GALNT18: variants seen among roughly 807,000 people sequenced by gnomAD.
GALNT18 encodes the protein polypeptide N-acetylgalactosaminyltransferase 18.
In GALNT18, 44 loss-of-function variants were observed where a neutral mutation model predicts 69.5. The ratio of observed to expected loss-of-function variants is 0.63; its 90% CI spans 0.50 to 0.81. The LOEUF is 0.81. GALNT18 is among the 40% of genes least tolerant of loss of function. The pLI is 0.00. For synonymous variants in GALNT18, 364 were observed against 318.2 expected (o/e 1.14, Z -1.53); for missense variants, 715 against 810.0 (o/e 0.88, Z 1.42).
intron 5 of GALNT18, among the ~76,000 whole-genome samples, chr11:11,374,707 C>T (rs1236179185): frequency 1.3e-5 from 2 of 152,250 alleles, no homozygotes; most frequent in Admixed American, 6.5e-5. Flanking sequence ...TATCGATTTA[C>T]ACCTTGCCTC....
intron 9 of GALNT18, among the ~76,000 whole-genome samples, chr11:11,306,230 T>C (rs1448371031): frequency 1.1e-5 from 1 of 89,234 alleles, no homozygotes; most frequent in Admixed American, 1.2e-4. Flanking sequence ...TGCATGTGTG[T>C]GTGTATGTGT....
chr11:11,531,904 T>C (rs1270616153), intron 1 of GALNT18, among the ~76,000 whole-genome samples: 1 of 152,216 alleles, frequency 6.6e-6, no homozygotes, highest in Non-Finnish European at 1.5e-5. Flanking sequence ...GATGTGTATG[T>C]GTTTTATGTA....
At chr11:11,612,177 G>T (rs1360432470) in intron 1 of GALNT18, among the ~76,000 whole-genome samples, 1 of 151,962 alleles carries the variant, frequency 6.6e-6, no homozygotes, top group Admixed American at 6.6e-5. Context: ...CTCTAAAAAG[G>T]TAAGAAAAAA....
intron 1 of GALNT18, among the ~76,000 whole-genome samples, chr11:11,528,904 A>C (rs1042064171): frequency 6.6e-6 from 1 of 152,240 alleles, no homozygotes; most frequent in Non-Finnish European, 1.5e-5. Flanking sequence ...CAGGGAGTGG[A>C]GGAGTGAAAG....
rs1237681747 is a variant in GALNT18, at chr11:11,293,153, A to C, written c.1553T>G (p.Ile518Ser). The C allele has an allele frequency of 1.5e-6, 2 of 1,349,296 alleles. No homozygotes were observed. Among genetic ancestry groups the C allele is most frequent in the Non-Finnish European group, 1.9e-6 (2 of 1,040,410 alleles). The allele number at this position is 1,349,296 out of a possible 1,614,324, so 83.6% of individuals were successfully genotyped here. A position where few individuals can be genotyped will look rare whatever the true frequency, so the allele number is the denominator to read the frequency against. ...YTSSQQIHVG[I>S]LSPTVDDDDN... ...ATCATCATCCACGGTGGGGCTCAGA[A>C]TGCCCACATGGATCTGCTGACTGCT... is the stretch of plus-strand genomic sequence containing the variant. The change falls in exon 10 of 11, where the codon ATT (isoleucine) becomes AGT (serine). Residue 518 changes from isoleucine (I) to serine (S), a missense_variant. Coordinates refer to ENST00000227756, the MANE Select transcript of GALNT18 (RefSeq NM_198516.3).
rs192716103 is a variant in GALNT18 at position 11,279,703 on chromosome 11, G to A, written c.1678-8413C>T. ...TCCCAAACAGGTAAAATAAAGCCAT[G>A]ATGTGAAAGTCAGGATGGTGGTCAG... On this transcript the variant is annotated intron_variant, in intron 10 of 10. Coordinates refer to ENST00000227756, the MANE Select transcript of GALNT18 (RefSeq NM_198516.3). Among the ~76,000 whole-genome samples the A allele has an allele frequency of 5.3e-5, 8 of 152,312 alleles. No individual in the cohort carries two copies. In the East Asian group the frequency reaches 9.7e-4, roughly 18 times the overall value.
chr11:11,529,949 G>A (rs1318433268), intron 1 of GALNT18, among the ~76,000 whole-genome samples: 1 of 152,186 alleles, frequency 6.6e-6, no homozygotes, highest in African/African-American at 2.4e-5. Flanking sequence ...GTTCTTCAGA[G>A]TCTGGACCTC....
intron 8 of GALNT18, among the ~76,000 whole-genome samples, chr11:11,329,256 A>G (rs1849978355): frequency 6.6e-6 from 1 of 152,216 alleles, no homozygotes; most frequent in Admixed American, 6.5e-5. Flanking sequence ...TTATTGCTGT[A>G]ACCTTCCTCA....
rs1395507827 is a variant in GALNT18 at position 11,562,373 on chromosome 11, C to T, written c.235+58986G>A. 1.3e-5 allele frequency among the ~76,000 whole-genome samples: 2 copies of T among 152,146 alleles called. No individual in the cohort carries two copies. Among genetic ancestry groups the T allele is most frequent in the East Asian group, 1.9e-4 (1 of 5,196 alleles). On this transcript the variant is annotated intron_variant, in intron 1 of 10. Coordinates refer to ENST00000227756, the MANE Select transcript of GALNT18 (RefSeq NM_198516.3). This position sits in a 1 kb window ranked among gnomAD's most constrained non-coding sequence, Gnocchi z 4.1. The stretch of plus-strand genomic sequence containing the variant: ...ACCCGTCATATTGGATTGGGGCCCA[C>T]CCCAATGACCTCATTTTCACTTGAT...
intron 1 of GALNT18, among the ~76,000 whole-genome samples, chr11:11,460,668 C>T (rs1032907813): frequency 6.0e-4 from 89 of 149,122 alleles, no homozygotes; most frequent in African/African-American, 2.1e-3. Flanking sequence ...CGCCCTCCTG[C>T]CTCCCTGTTT....
At chr11:11,390,531 A>G (rs1264975951) in intron 3 of GALNT18, among the ~76,000 whole-genome samples, 2 of 152,170 alleles carry the variant, frequency 1.3e-5, no homozygotes, top group Non-Finnish European at 2.9e-5. Context: ...GCTGTATGTC[A>G]GCTCCACACT....
At chr11:11,393,011 A>AG (rs1410181209) in intron 3 of GALNT18, among the ~76,000 whole-genome samples, 11 of 152,100 alleles carry the variant, frequency 7.2e-5, no homozygotes, top group Non-Finnish European at 1.6e-4. Flanking sequence ...AGTCTCCTGG[A>AG]GGGGGTCACT....
intron 10 of GALNT18, among the ~76,000 whole-genome samples, chr11:11,278,917 T>G (rs1225076571): frequency 1.3e-5 from 2 of 152,256 alleles, no homozygotes; most frequent in Non-Finnish European, 2.9e-5. Flanking sequence ...TATTCTGATT[T>G]GATCATTACA....
chr11:11,379,101 G>T lies in GALNT18; in HGVS notation c.759C>A (p.His253Gln), dbSNP rs150632547. The T allele has an allele frequency of 6.2e-7, 1 of 1,607,490 alleles. No homozygotes were observed. The highest frequency in any genetic ancestry group is 8.5e-7 in the Non-Finnish European group (1 of 1,179,110). ...CTTACCAGCCCACATTGAACTCCAC[G>T]TGGGCATCAAAGAGTGCCACCACAG... ...TAPVVALFDA[H>Q]VEFNVGWAEP... The change falls in exon 4 of 11, where the codon CAC becomes CAA. Residue 253 changes from histidine to glutamine, a missense_variant. By Grantham distance (24) the His-to-Gln change is conservative. Coordinates refer to ENST00000227756, the MANE Select transcript of GALNT18 (RefSeq NM_198516.3).
At chr11:11,324,265 A>G (rs950056708) in intron 9 of GALNT18, among the ~76,000 whole-genome samples, 1 of 152,222 alleles carries the variant, frequency 6.6e-6, no homozygotes, top group African/African-American at 2.4e-5. Flanking sequence ...AACTGAACAT[A>G]TTTCAACCCT....
Position 11,541,331 on chromosome 11 carries a change from C to T in GALNT18, c.235+80028G>A, listed in dbSNP as rs767752535. 6.6e-6 allele frequency among the ~76,000 whole-genome samples: 1 copy of T among 152,108 alleles called. No homozygotes were observed. The highest frequency in any genetic ancestry group is 1.5e-5 in the Non-Finnish European group (1 of 68,014). On this transcript the variant is annotated intron_variant, in intron 1 of 10. Coordinates refer to ENST00000227756, the MANE Select transcript of GALNT18 (RefSeq NM_198516.3). The surrounding 1 kb of genome is among the most constrained non-coding windows in gnomAD (Gnocchi z 4.8). ...AGCCAACTGGACACCAGGGCTTCCTCAAACTCCACCTAGATCACCACCGTT... is the reference window on the plus strand; with the variant it reads ...AGCCAACTGGACACCAGGGCTTCCTTAAACTCCACCTAGATCACCACCGTT...
At chr11:11,373,715 C>A (rs1850967383) in intron 5 of GALNT18, among the ~76,000 whole-genome samples, 1 of 152,208 alleles carries the variant, frequency 6.6e-6, no homozygotes, top group Non-Finnish European at 1.5e-5. Flanking sequence ...TGTGAAGACA[C>A]CCAGTGCAGC....
At chr11:11,547,149 C>T (rs1471591017) in intron 1 of GALNT18, among the ~76,000 whole-genome samples, 13 of 152,150 alleles carry the variant, frequency 8.5e-5, no homozygotes, top group Non-Finnish European at 5.9e-5. Context: ...ATAGTAGGTG[C>T]ACAACAAATG....
At chr11:11,357,316 C>CT (rs1258366990) in intron 6 of GALNT18, among the ~76,000 whole-genome samples, 1 of 152,162 alleles carries the variant, frequency 6.6e-6, no homozygotes, top group African/African-American at 2.4e-5. Flanking sequence ...GGCTCAGGCA[C>CT]TTGCCCTCTG....
Sources: allele counts gnomAD v4.1 joint callset (sites outside exome capture counted in the v4.1 genomes callset), GRCh38; gene constraint gnomAD v4.1.1; non-coding constraint Gnocchi (gnomAD v3.1); transcripts MANE v1.5; gene names NCBI Gene and HGNC (gene_info 2026-07-23, HGNC 2026-07-21).